FRMPD4: variants seen among roughly 807,000 people sequenced by gnomAD.
FRMPD4 encodes FERM and PDZ domain-containing protein 4.
Under a neutral mutation model 94.1 loss-of-function variants are expected in FRMPD4, and 22 were observed. The observed-to-expected ratio is 0.23, with a 90% CI of 0.17 to 0.33. The LOEUF (loss-of-function observed/expected upper bound fraction) is 0.33. Ranked by LOEUF, FRMPD4 falls within the 10% of genes least tolerant of loss-of-function variation. The probability of loss-of-function intolerance (pLI) is 1.00; values close to 1 mark genes in which losing one functional copy is unlikely to be tolerated. For synonymous variants in FRMPD4, 631 were observed against 548.6 expected (o/e 1.15, Z -2.10); for missense variants, 1,111 against 1,339.9 (o/e 0.83, Z 2.67).
intron 2 of FRMPD4, among the ~76,000 whole-genome samples, chrX:12,571,161 A>T (rs922176911): frequency 8.9e-6 from 1 of 112,482 alleles, no homozygotes; most frequent in Non-Finnish European, 1.9e-5. Context: ...TTCTCCCACA[A>T]TGAATAATTT....
intron 3 of FRMPD4, among the ~76,000 whole-genome samples, chrX:12,612,748 C>A (rs942095351): frequency 1.8e-5 from 2 of 112,424 alleles, no homozygotes; most frequent in African/African-American, 3.2e-5. Context: ...TGTATTTGAT[C>A]AGCGTTTGAT....
chrX:11,851,445 A>G (rs1197582189), intron 1 of FRMPD4, among the ~76,000 whole-genome samples: 1 of 111,180 alleles, frequency 9.0e-6, no homozygotes, highest in Non-Finnish European at 1.9e-5. Flanking sequence ...TTTATGTCAC[A>G]TGTTCCACGG....
chrX:11,960,364 C>T (rs185735548), intron 3 of FRMPD4, among the ~76,000 whole-genome samples: 85 of 111,664 alleles, frequency 7.6e-4, no homozygotes, highest in African/African-American at 2.5e-3. Context: ...TCATCATGTT[C>T]GCTCTGTCAT....
intron 1 of FRMPD4, among the ~76,000 whole-genome samples, chrX:12,179,984 C>T (rs1302061021): frequency 1.8e-5 from 2 of 109,645 alleles, no homozygotes; most frequent in South Asian, 4.0e-4. Context: ...CGGACTTCAG[C>T]CTACCAGTTA....
intron 1 of FRMPD4, among the ~76,000 whole-genome samples, chrX:12,402,338 G>A (rs2056618677): frequency 9.0e-6 from 1 of 111,262 alleles, no homozygotes; most frequent in Non-Finnish European, 1.9e-5. Flanking sequence ...AAGATTTGAG[G>A]GAAGAAACGT....
At chrX:12,255,340 CT>C (rs749969328) in intron 1 of FRMPD4, among the ~76,000 whole-genome samples, 2 of 111,129 alleles carry the variant, frequency 1.8e-5, no homozygotes, top group East Asian at 2.8e-4. Flanking sequence ...AAAAATTAAG[CT>C]TTTTTGGTCC....
chrX:12,276,453 T>C (rs950296758), intron 1 of FRMPD4, among the ~76,000 whole-genome samples: 2 of 112,222 alleles, frequency 1.8e-5, no homozygotes, highest in Non-Finnish European at 3.8e-5. Flanking sequence ...CCAGGTTATA[T>C]GTAGATTCAA....
chrX:12,380,780 A>G lies in FRMPD4; in HGVS notation c.42-117900A>G, dbSNP rs149362099. On this transcript the variant is annotated intron_variant, in intron 1 of 16. Coordinates refer to ENST00000675598, the MANE Select transcript of FRMPD4 (RefSeq NM_001368397.1). ...AATTGTGATATCTTATATTATTTAC[A>G]GAGCAGCCTTTTGTGAAGAGTCCGG... Among the ~76,000 whole-genome samples the G allele has an allele frequency of 5.4e-4, 61 of 112,405 alleles. No homozygotes were observed. In the East Asian group the frequency reaches 0.013, roughly 24 times the overall value.
At chrX:11,996,984 C>T (rs1156466144) in intron 3 of FRMPD4, among the ~76,000 whole-genome samples, 1 of 111,313 alleles carries the variant, frequency 9.0e-6, no homozygotes, top group Non-Finnish European at 1.9e-5. Flanking sequence ...TAAAATGAAG[C>T]ATAGACAGAG....
intron 3 of FRMPD4, among the ~76,000 whole-genome samples, chrX:12,100,698 T>C (rs1006756450): frequency 1.8e-5 from 2 of 112,348 alleles, no homozygotes; most frequent in African/African-American, 3.2e-5. Context: ...ACTTCAATGC[T>C]ATTTTCGCTC....
chrX:11,994,059 A>T (rs1007365304), intron 3 of FRMPD4, among the ~76,000 whole-genome samples: 4 of 111,247 alleles, frequency 3.6e-5, no homozygotes, highest in African/African-American at 1.3e-4. Context: ...GTGCTTCTCA[A>T]CTGAGTGATT....
intron 2 of FRMPD4, among the ~76,000 whole-genome samples, chrX:12,587,581 C>T (rs1198372239): frequency 9.1e-6 from 1 of 109,461 alleles, no homozygotes; most frequent in Non-Finnish European, 1.9e-5. Context: ...TTTCAAGGAT[C>T]ATTCATGTTG....
intron 3 of FRMPD4, among the ~76,000 whole-genome samples, chrX:11,921,146 G>A (rs961166866): frequency 7.1e-5 from 8 of 112,140 alleles, no homozygotes; most frequent in African/African-American, 9.7e-5. Flanking sequence ...TTGGGCTGTC[G>A]TAACAAAGTA....
intron 5 of FRMPD4, among the ~76,000 whole-genome samples, chrX:12,677,911 C>T (rs1030901769): frequency 3.6e-5 from 4 of 111,893 alleles, no homozygotes; most frequent in South Asian, 3.7e-4. Context: ...GCTTTCCCCA[C>T]CACCACGATT....
At position 12,717,710 on chromosome X, in the gene FRMPD4, G is replaced by A. The variant is rs144088214; in HGVS notation, c.2884G>A (p.Gly962Ser). The A allele has an allele frequency of 8.3e-6, 10 of 1,209,773 alleles. No homozygotes were observed. Among genetic ancestry groups the A allele is most frequent in the Non-Finnish European group, 1.1e-5 (10 of 894,634 alleles). The change falls in exon 16 of 17, where the codon GGC (glycine) becomes AGC (serine). Residue 962 changes from glycine (G) to serine (S), a missense_variant. Coordinates refer to ENST00000675598, the MANE Select transcript of FRMPD4 (RefSeq NM_001368397.1). ...CCCGGCCTCCAAGACCCCCGCTGGG[G>A]GCTTGCCTCCAAAGTCCTCGCACGC... is the stretch of plus-strand genomic sequence containing the variant. ...EFPASKTPAG[G>S]LPPKSSHALA...
intron 1 of FRMPD4, among the ~76,000 whole-genome samples, chrX:12,265,776 A>G (rs371922406): frequency 5.4e-5 from 6 of 110,190 alleles, no homozygotes; most frequent in South Asian, 7.9e-4. Context: ...CTGCACATGA[A>G]TTAGATGTTA....
chrX:12,418,350 C>CTTTTTTT (rs540740432), intron 1 of FRMPD4, among the ~76,000 whole-genome samples: 10 of 81,074 alleles, frequency 1.2e-4, no homozygotes, highest in African/African-American at 2.4e-4. Flanking sequence ...GTGTTTCTTT[C>CTTTTTTT]TTTTTTTTTT....
intron 3 of FRMPD4, among the ~76,000 whole-genome samples, chrX:12,045,132 A>T (rs1390599128): frequency 8.9e-6 from 1 of 112,293 alleles, no homozygotes; most frequent in African/African-American, 3.2e-5. Flanking sequence ...ATAAATGTTT[A>T]TTGGAACACA....
chrX:12,366,945 T>C (rs1473821538), intron 1 of FRMPD4, among the ~76,000 whole-genome samples: 1 of 111,155 alleles, frequency 9.0e-6, no homozygotes, highest in Non-Finnish European at 1.9e-5. Context: ...TGCTTCTCTC[T>C]CTGGGTGGGC....
Sources: allele counts gnomAD v4.1 joint callset (sites outside exome capture counted in the v4.1 genomes callset), GRCh38; gene constraint gnomAD v4.1.1; transcripts MANE v1.5; gene names NCBI Gene and HGNC (gene_info 2026-07-23, HGNC 2026-07-21).